Variants in KIF16B observed in about 807,000 individuals in gnomAD.
The protein encoded by KIF16B is kinesin-like protein KIF16B.
KIF16B carries 98 observed loss-of-function variants against 156.3 expected under a neutral mutation model. The ratio of observed to expected loss-of-function variants is 0.63; its 90% CI spans 0.53 to 0.74. KIF16B has a LOEUF of 0.74. Among genes scored for constraint, KIF16B ranks in the 30% least tolerant of loss-of-function variants. KIF16B has a pLI of 0.00. For missense variants in KIF16B, 1,421 were observed against 1,606.5 expected (o/e 0.88, Z 1.97); for synonymous variants, 564 against 583.7 (o/e 0.97, Z 0.49).
At chr20:16,500,811 T>C (rs1297775392) in intron 10 of KIF16B, among the ~76,000 whole-genome samples, 1 of 152,192 alleles carries the variant, frequency 6.6e-6, no homozygotes, top group Non-Finnish European at 1.5e-5. Context: ...ATACTTTTAT[T>C]ATTTAAAATT....
chr20:16,493,848 G>C (rs901443169), intron 12 of KIF16B, among the ~76,000 whole-genome samples: 11 of 152,170 alleles, frequency 7.2e-5, no homozygotes, highest in African/African-American at 2.7e-4. Context: ...GAAATTACTA[G>C]CTTTGAAATT....
chr20:16,525,285 T>C (rs941550270), intron 3 of KIF16B, among the ~76,000 whole-genome samples: 10 of 152,170 alleles, frequency 6.6e-5, no homozygotes, highest in African/African-American at 2.4e-4. Flanking sequence ...TTATCCCCGT[T>C]TTAACATATG....
At chr20:16,565,795 C>A (rs1253396549) in intron 1 of KIF16B, among the ~76,000 whole-genome samples, 1 of 152,220 alleles carries the variant, frequency 6.6e-6, no homozygotes, top group African/African-American at 2.4e-5. Context: ...CCCACCCCAA[C>A]CCGCGTAGGG....
At chr20:16,403,324 T>C (rs993579480) in intron 17 of KIF16B, among the ~76,000 whole-genome samples, 2 of 152,220 alleles carry the variant, frequency 1.3e-5, no homozygotes, top group Non-Finnish European at 2.9e-5. Flanking sequence ...TGATTCCATC[T>C]TGGTCACAAT....
At chr20:16,355,612 C>T (rs1247034162) in intron 23 of KIF16B, among the ~76,000 whole-genome samples, 1 of 152,152 alleles carries the variant, frequency 6.6e-6, no homozygotes, top group Admixed American at 6.5e-5. Flanking sequence ...TGTGATTTAT[C>T]ATTACTTTCT....
intron 1 of KIF16B, among the ~76,000 whole-genome samples, chr20:16,543,508 G>A (rs1427035346): frequency 6.6e-6 from 1 of 152,194 alleles, no homozygotes; most frequent in Admixed American, 6.5e-5. Flanking sequence ...ACACATAACA[G>A]ATGCCTTACT....
chr20:16,447,773 TTGG>T (rs1198617705), intron 12 of KIF16B, among the ~76,000 whole-genome samples: 3 of 152,154 alleles, frequency 2.0e-5, no homozygotes, highest in African/African-American at 7.2e-5. Context: ...ACTAGAAATA[TTGG>T]TTATATGGGC....
chr20:16,361,042 T>C (rs1303908538), intron 22 of KIF16B, among the ~76,000 whole-genome samples: 1 of 152,190 alleles, frequency 6.6e-6, no homozygotes, highest in Non-Finnish European at 1.5e-5. Flanking sequence ...AGGACTGCCA[T>C]CTAATCTCCA....
intron 24 of KIF16B, among the ~76,000 whole-genome samples, chr20:16,317,681 T>A (rs745895049): frequency 6.6e-6 from 1 of 152,194 alleles, no homozygotes; most frequent in Non-Finnish European, 1.5e-5. Flanking sequence ...AAACACTGTC[T>A]CTGAACTGGG....
intron 19 of KIF16B, among the ~76,000 whole-genome samples, chr20:16,374,643 T>C (rs1445502412): frequency 1.3e-5 from 2 of 152,158 alleles, no homozygotes; most frequent in Non-Finnish European, 2.9e-5. Flanking sequence ...TAGAGTAATT[T>C]TGACTACCAA....
chr20:16,551,683 A>G (rs1223348305), intron 1 of KIF16B, among the ~76,000 whole-genome samples: 1 of 152,204 alleles, frequency 6.6e-6, no homozygotes, highest in African/African-American at 2.4e-5. Context: ...AAATGAAAGA[A>G]ATAACCTTGT....
At chr20:16,523,656 C>T (rs2069430566) in intron 3 of KIF16B, among the ~76,000 whole-genome samples, 1 of 152,100 alleles carries the variant, frequency 6.6e-6, no homozygotes, top group South Asian at 2.1e-4. Context: ...CTACCATTGA[C>T]TTTCTTCATA....
chr20:16,303,621 C>T (rs558580343), intron 25 of KIF16B, among the ~76,000 whole-genome samples: 1 of 152,298 alleles, frequency 6.6e-6, no homozygotes, highest in South Asian at 2.1e-4. Context: ...TAACTGGACA[C>T]TGAACAAATA....
chr20:16,380,896 G>A (rs1433952566), intron 18 of KIF16B, among the ~76,000 whole-genome samples: 8 of 152,188 alleles, frequency 5.3e-5, no homozygotes, highest in Admixed American at 4.6e-4. Flanking sequence ...CACAGAGTTA[G>A]AGCAGGAATA....
intron 17 of KIF16B, among the ~76,000 whole-genome samples, chr20:16,399,795 T>G (rs1400075024): frequency 6.6e-6 from 1 of 152,242 alleles, no homozygotes; most frequent in Non-Finnish European, 1.5e-5. Flanking sequence ...AACCAGTTAC[T>G]GAAGCCAGAA....
At chr20:16,535,662 C>A (rs116405413) in intron 1 of KIF16B, among the ~76,000 whole-genome samples, 1,677 of 152,118 alleles carry the variant, frequency 0.011, 27 homozygotes, top group African/African-American at 0.037. Flanking sequence ...AATAACTAAT[C>A]CTATTAAAAA....
In KIF16B at chr20:16,404,876, A is replaced by G. The variant is rs1329923543; in HGVS notation, c.1721T>C (p.Leu574Ser). 1 of 1,613,506 alleles carries G rather than the reference A, an allele frequency of 6.2e-7. No individual in the cohort carries two copies. Among genetic ancestry groups the G allele is most frequent in the Non-Finnish European group, 8.5e-7 (1 of 1,179,632 alleles). The change falls in exon 17 of 26, where the codon TTG becomes TCG. Residue 574 changes from leucine (L) to serine (S), a missense_variant. Leu to Ser is a moderately radical substitution (Grantham distance 145). Coordinates refer to ENST00000354981, the MANE Select transcript of KIF16B (RefSeq NM_024704.5). Reference protein sequence around the residue: ...RKSGLLSSFSLSMTDLSKSRE... With the variant: ...RKSGLLSSFSSSMTDLSKSRE... ...GGACTTCGAGAGGTCGGTCATGGAC[A>G]AGCTGAAGGAGGACAGAAGGCCACT...
chr20:16,377,156 TC>T lies in KIF16B; in HGVS notation c.3197+1648del, dbSNP rs200272261. Among the ~76,000 whole-genome samples, 71 of 152,244 alleles carry T rather than the reference TC, an allele frequency of 4.7e-4. No homozygotes were observed. The East Asian group carries it at 0.013, about 29-fold the overall frequency. ...ATCAGCTAAATGCCAAGGTGGGGTC[TC>T]CTGGCCAGTACACTGGACTTCTGTT... is the stretch of plus-strand genomic sequence containing the variant. On this transcript the variant is annotated intron_variant, in intron 19 of 25. Transcript: ENST00000354981.
Position 16,381,582 on chromosome 20 carries a change from GAC to G in KIF16B, c.1838+110_1838+111del, listed in dbSNP as rs201490193. The G allele has an allele frequency of 1.6e-3, 990 of 628,502 alleles. 27 individuals are homozygous for G. The East Asian group carries it at 0.03, about 19-fold the overall frequency. 38.9% of individuals were successfully genotyped at this position (628,502 alleles called of 1,614,324 possible). A position where few individuals can be genotyped will look rare whatever the true frequency, so the allele number is the denominator to read the frequency against. On this transcript the variant is annotated intron_variant, in intron 18 of 25. Transcript: ENST00000354981. ...TTAGACATGTAAATAACAGATAACA[GAC>G]ACAGAGCAAGGGGGAAGTATTGAAG...
Sources: gnomAD v4.1 joint callset for allele counts (sites outside exome capture counted in the v4.1 genomes callset) on GRCh38, gnomAD v4.1.1 for gene constraint, MANE v1.5 for transcripts, NCBI Gene and HGNC (gene_info 2026-07-23, HGNC 2026-07-21) for gene names.